Variants in KIF18A observed in about 807,000 individuals in gnomAD.
The protein encoded by KIF18A is kinesin-like protein KIF18A.
In KIF18A, 67 loss-of-function variants were observed where a neutral mutation model predicts 103.3. The observed-to-expected ratio is 0.65, with a 90% confidence interval of 0.53 to 0.79. KIF18A has a LOEUF of 0.79. Among genes scored for constraint, KIF18A ranks in the 30% least tolerant of loss-of-function variants. The probability of loss-of-function intolerance (pLI) is 0.00; values close to 1 mark genes in which losing one functional copy is unlikely to be tolerated. For missense variants in KIF18A, 1,032 were observed against 1,062.5 expected, an observed-to-expected ratio of 0.97 and a Z score of 0.40; for synonymous variants, 367 against 355.5, an observed-to-expected ratio of 1.03 and a Z score of -0.36.
intron 13 of KIF18A, among the ~76,000 whole-genome samples, chr11:28,049,896 AT>A (rs1440080336): frequency 6.6e-6 from 1 of 151,888 alleles, no homozygotes; most frequent in African/African-American, 2.4e-5. Context: ...AACTTATCTT[AT>A]AAGATAAAGT....
At chr11:28,079,582 T>A (rs929770567) in intron 9 of KIF18A, among the ~76,000 whole-genome samples, 1 of 152,122 alleles carries the variant, frequency 6.6e-6, no homozygotes, top group African/African-American at 2.4e-5. Context: ...CAAAACAGTA[T>A]GAATAACCAT....
chr11:28,033,057 T>C (rs765803665), intron 15 of KIF18A, among the ~76,000 whole-genome samples: 5 of 151,500 alleles, frequency 3.3e-5, no homozygotes, highest in South Asian at 4.2e-4. Flanking sequence ...GGCAAAAGAA[T>C]AGACATTTCT....
At position 28,036,599 on chromosome 11, in the gene KIF18A, T is replaced by A. The variant is rs1850494927; in HGVS notation, c.2014A>T (p.Met672Leu). 2 of 1,610,306 alleles carry A rather than the reference T, an allele frequency of 1.2e-6. No homozygotes were observed. The highest frequency in any genetic ancestry group is 8.5e-7 in the Non-Finnish European group (1 of 1,177,712). Reference sequence around the variant, plus strand: ...TGCTGTCCTTTCAAGGGAGATGGCATTAGTTTTCTCCGAGTTCTTTTTTCT... The same window carrying A: ...TGCTGTCCTTTCAAGGGAGATGGCAATAGTTTTCTCCGAGTTCTTTTTTCT... ...PTEKRTRRKL[M>L]PSPLKGQHTL... is the part of the protein sequence containing the mutation. Residue 672 changes from methionine (M) to leucine (L), a missense_variant, in exon 14 of 17, where the codon ATG (methionine) becomes TTG (leucine). Physicochemically the swap from Met to Leu is conservative, Grantham distance 15. Transcript: ENST00000263181.
At chr11:28,051,928 T>A (rs549607982) in intron 13 of KIF18A, among the ~76,000 whole-genome samples, 68 of 152,196 alleles carry the variant, frequency 4.5e-4, no homozygotes, top group Admixed American at 1.5e-3. Context: ...CCACCCTGTA[T>A]ACCTGCTCCA....
chr11:28,056,969 T>C (rs373721635), intron 13 of KIF18A: 67 of 366,698 alleles, frequency 1.8e-4, no homozygotes, highest in African/African-American at 8.8e-4. Flanking sequence ...ATGGAAAATA[T>C]AGGCAGATTT....
At chr11:28,084,560 T>C (rs1284348923) in intron 7 of KIF18A, 72 bp downstream of exon 7, 7 of 1,253,544 alleles carry the variant, frequency 5.6e-6, no homozygotes, top group South Asian at 4.4e-5. Flanking sequence ...CCTGAATTAA[T>C]ACTTTCATTA....
chr11:28,093,174 C>T (rs1213284868), intron 3 of KIF18A, among the ~76,000 whole-genome samples: 1 of 152,146 alleles, frequency 6.6e-6, no homozygotes, highest in Non-Finnish European at 1.5e-5. Flanking sequence ...AATAACCAAA[C>T]TTCAAAATTC....
intron 1 of KIF18A, among the ~76,000 whole-genome samples, chr11:28,100,368 C>T (rs533002236): frequency 1.5e-4 from 23 of 151,874 alleles, no homozygotes; most frequent in Non-Finnish European, 2.6e-4. Context: ...GAGGAAACAG[C>T]GATCTATTGT....
intron 15 of KIF18A, among the ~76,000 whole-genome samples, chr11:28,025,924 G>C (rs963089770): frequency 3.3e-5 from 5 of 151,768 alleles, no homozygotes; most frequent in Admixed American, 3.3e-4. Context: ...GAAATAATTA[G>C]ACATCTTTCA....
chr11:28,034,103 T>G (rs34667360), intron 15 of KIF18A, among the ~76,000 whole-genome samples: 29,039 of 151,680 alleles, frequency 0.19, 3,192 homozygotes, highest in Non-Finnish European at 0.25. Flanking sequence ...TTCTATATTT[T>G]CAGTTCTAGA....
At chr11:28,046,015 A>T (rs1471200753) in intron 13 of KIF18A, among the ~76,000 whole-genome samples, 1 of 151,516 alleles carries the variant, frequency 6.6e-6, no homozygotes, top group Non-Finnish European at 1.5e-5. Context: ...CACCAGTTAG[A>T]ATGGCAATCA....
chr11:28,080,107 T>C (rs1460609267), intron 9 of KIF18A, among the ~76,000 whole-genome samples: 1 of 152,030 alleles, frequency 6.6e-6, no homozygotes, highest in Non-Finnish European at 1.5e-5. Context: ...CAAATAATGA[T>C]TATGTCAGAA....
intron 11 of KIF18A, among the ~76,000 whole-genome samples, chr11:28,064,494 C>G (rs746626728): frequency 6.6e-6 from 1 of 151,806 alleles, no homozygotes. Flanking sequence ...GGAGAAATAC[C>G]TAATGTAAAT....
chr11:28,028,981 C>T (rs988019938), intron 15 of KIF18A, among the ~76,000 whole-genome samples: 8 of 151,854 alleles, frequency 5.3e-5, no homozygotes, highest in East Asian at 1.9e-4. Context: ...TAAACCAGGA[C>T]GAAGTTGAAT....
intron 9 of KIF18A, among the ~76,000 whole-genome samples, chr11:28,081,485 A>G (rs150809771): frequency 6.6e-6 from 1 of 152,232 alleles, no homozygotes; most frequent in East Asian, 1.9e-4. Context: ...TGCTCTACAA[A>G]TAGAACAACA....
intron 13 of KIF18A, among the ~76,000 whole-genome samples, chr11:28,040,859 AT>A (rs1850550407): frequency 6.6e-6 from 1 of 151,782 alleles, no homozygotes; most frequent in African/African-American, 2.4e-5. Context: ...AGTGTGCTCC[AT>A]TTCTATTACC....
intron 15 of KIF18A, among the ~76,000 whole-genome samples, chr11:28,032,355 T>C (rs1397028232): frequency 3.3e-5 from 5 of 151,830 alleles, no homozygotes; most frequent in Non-Finnish European, 5.9e-5. Context: ...TTCATAGAAA[T>C]AGAAAAAACA....
intron 13 of KIF18A, among the ~76,000 whole-genome samples, chr11:28,044,629 G>A (rs1850606175): frequency 6.6e-6 from 1 of 152,048 alleles, no homozygotes; most frequent in South Asian, 2.1e-4. Context: ...TAAGTCCAAA[G>A]ACAGACTTAA....
At chr11:28,054,772 A>C (rs1850756839) in intron 13 of KIF18A, among the ~76,000 whole-genome samples, 1 of 152,198 alleles carries the variant, frequency 6.6e-6, no homozygotes, top group Admixed American at 6.5e-5. Context: ...ATAAAAACAA[A>C]ACTCACCTTC....
Sources: allele counts gnomAD v4.1 joint callset (sites outside exome capture counted in the v4.1 genomes callset), GRCh38; gene constraint gnomAD v4.1.1; transcripts MANE v1.5; gene names NCBI Gene and HGNC (gene_info 2026-07-23, HGNC 2026-07-21).